Variants in PRAG1 observed in about 807,000 individuals in gnomAD.
PRAG1 encodes inactive tyrosine-protein kinase PRAG1.
PRAG1 carries 110 observed loss-of-function variants against 95.6 expected under a neutral mutation model. That is an observed-to-expected ratio of 1.15 (90% confidence interval 0.99 to 1.35). The LOEUF (loss-of-function observed/expected upper bound fraction) is 1.35, where lower values mean the gene tolerates loss of function less well. PRAG1 is among the 40% of genes most tolerant of loss of function. PRAG1 has a pLI of 0.00. For synonymous variants in PRAG1, 1,052 were observed against 819.4 expected, an observed-to-expected ratio of 1.28 and a Z score of -4.85; for missense variants, 2,554 against 1,864.7, an observed-to-expected ratio of 1.37 and a Z score of -6.81.
At chr8:8,325,260 T>C (rs1029355387) in intron 5 of PRAG1, among the ~76,000 whole-genome samples, 1 of 152,182 alleles carries the variant, frequency 6.6e-6, no homozygotes, top group Non-Finnish European at 1.5e-5. Flanking sequence ...CCAGGCACAT[T>C]TGCAAATTAA....
intron 3 of PRAG1, among the ~76,000 whole-genome samples, chr8:8,353,352 G>A (rs1235447727): frequency 1.3e-5 from 2 of 151,968 alleles, no homozygotes; most frequent in Admixed American, 6.6e-5. Context: ...ATCATATCTA[G>A]TATTGTTTCC....
At chr8:8,325,669 C>A (rs1563226957) in intron 5 of PRAG1, among the ~76,000 whole-genome samples, 1 of 151,930 alleles carries the variant, frequency 6.6e-6, no homozygotes, top group Non-Finnish European at 1.5e-5. Context: ...CCAGCACTTT[C>A]GGAGGCCGAG....
intron 5 of PRAG1, among the ~76,000 whole-genome samples, chr8:8,325,936 A>T (rs924525933): frequency 5.4e-4 from 74 of 138,250 alleles, no homozygotes; most frequent in Middle Eastern, 3.7e-3. Context: ...AATAATAATT[A>T]AAAAAAAAAA....
intron 5 of PRAG1, among the ~76,000 whole-genome samples, chr8:8,321,249 TAATTTTTGG>T (rs1798463626): frequency 6.6e-6 from 1 of 152,188 alleles, no homozygotes; most frequent in Non-Finnish European, 1.5e-5. Context: ...CATGTCCAAC[TAATTTTTGG>T]AATTTTTGTA....
At chr8:8,361,393 G>C (rs573001161) in intron 3 of PRAG1, among the ~76,000 whole-genome samples, 1 of 152,310 alleles carries the variant, frequency 6.6e-6, no homozygotes, top group African/African-American at 2.4e-5. Context: ...CAGCAGTCAG[G>C]TCTGGGATCG....
intron 3 of PRAG1, among the ~76,000 whole-genome samples, chr8:8,351,983 G>T (rs948567123): frequency 1.3e-5 from 2 of 152,118 alleles, no homozygotes; most frequent in South Asian, 4.2e-4. Context: ...AAGATCACCT[G>T]TGCCTGACCA....
intron 3 of PRAG1, chr8:8,374,624 G>A (rs1800318718): frequency 1.0e-6 from 1 of 978,598 alleles, no homozygotes; most frequent in Admixed American, 6.1e-5. Flanking sequence ...GGCCCATAGT[G>A]AGTGCCATAT....
chr8:8,368,720 A>C (rs1447297121), intron 3 of PRAG1, among the ~76,000 whole-genome samples: 3 of 152,188 alleles, frequency 2.0e-5, no homozygotes, highest in Admixed American at 2.0e-4. Flanking sequence ...TCAGGGACAG[A>C]GGGGGACTGA....
intron 3 of PRAG1, among the ~76,000 whole-genome samples, chr8:8,361,806 T>A (rs1442740131): frequency 6.6e-6 from 1 of 152,262 alleles, no homozygotes; most frequent in East Asian, 1.9e-4. Flanking sequence ...TTAGTTCAAA[T>A]GAAGCAACAA....
chr8:8,371,459 C>T (rs571322166), intron 3 of PRAG1, among the ~76,000 whole-genome samples: 1 of 151,936 alleles, frequency 6.6e-6, no homozygotes, highest in Non-Finnish European at 1.5e-5. Flanking sequence ...AGGGGTTTCA[C>T]CGTGTTAGCC....
At position 8,351,244 on chromosome 8, in the gene PRAG1, G is replaced by A. The variant is rs191833305; in HGVS notation, c.2163-11609C>T. 3.3e-5 allele frequency among the ~76,000 whole-genome samples: 5 copies of A among 152,044 alleles called. No individual in the cohort carries two copies. The East Asian group carries it at 5.8e-4, about 18-fold the overall frequency. On this transcript the variant is annotated intron_variant, in intron 3 of 5. Transcript: ENST00000615670. ...GCAAGAGTAGGAGGAAGAGAGTGAG[G>A]GAGGTGCCACACACTCTTTTGAACA...
At chr8:8,358,847 A>G (rs1799762414) in intron 3 of PRAG1, among the ~76,000 whole-genome samples, 1 of 152,174 alleles carries the variant, frequency 6.6e-6, no homozygotes, top group African/African-American at 2.4e-5. Flanking sequence ...ACAATCTAAA[A>G]CTTTCCTAAA....
intron 4 of PRAG1, among the ~76,000 whole-genome samples, chr8:8,336,693 T>TC (rs2117138042): frequency 6.7e-6 from 1 of 149,800 alleles, no homozygotes; most frequent in South Asian, 2.1e-4. Flanking sequence ...AACTAAAACC[T>TC]CCCCCCACCC....
intron 3 of PRAG1, among the ~76,000 whole-genome samples, chr8:8,343,418 T>C (rs1039827589): frequency 9.8e-5 from 15 of 152,310 alleles, no homozygotes; most frequent in Admixed American, 3.9e-4. Context: ...TAGTAATGAA[T>C]GAATGGCTAA....
chr8:8,333,940 C>T (rs181095985), intron 4 of PRAG1, among the ~76,000 whole-genome samples: 1 of 152,328 alleles, frequency 6.6e-6, no homozygotes, highest in East Asian at 1.9e-4. Context: ...TGCACGGGCA[C>T]CTTGCCAATA....
Position 8,319,178 on chromosome 8 carries a change from G to T in PRAG1, c.3197C>A (p.Pro1066His). ...ASVPSSMLSS[P>H]DAPKDPVPAL... ...AGGCACAGGGTCCTTGGGCGCGTCG[G>T]GGGAGCTGAGCATGCTGGACGGCAC... The change falls in exon 6 of 6, where the codon CCC (proline) becomes CAC (histidine). Residue 1066 changes from proline to histidine, a missense_variant. By Grantham distance (77) the Pro-to-His change is moderately conservative. Coordinates refer to ENST00000615670, the MANE Select transcript of PRAG1 (RefSeq NM_001080826.3). 2.1e-5 allele frequency: 34 copies of T among 1,603,570 alleles called. No individual in the cohort carries two copies. The highest frequency in any genetic ancestry group is 2.9e-5 in the Non-Finnish European group (34 of 1,174,024).
intron 5 of PRAG1, among the ~76,000 whole-genome samples, chr8:8,321,594 G>C (rs571723282): frequency 3.9e-5 from 6 of 152,314 alleles, no homozygotes; most frequent in South Asian, 2.1e-4. Context: ...CCAACTGTGA[G>C]GGTTCCATGC....
At chr8:8,385,757 G>A (rs981662388) in intron 1 of PRAG1, among the ~76,000 whole-genome samples, 1 of 152,052 alleles carries the variant, frequency 6.6e-6, no homozygotes, top group Non-Finnish European at 1.5e-5. Flanking sequence ...GTGTGTCCCC[G>A]GATACCAGCA....
chr8:8,363,188 T>C (rs1585260284), intron 3 of PRAG1, among the ~76,000 whole-genome samples: 1 of 151,516 alleles, frequency 6.6e-6, no homozygotes, highest in South Asian at 2.1e-4. Flanking sequence ...AGCTAGTCTT[T>C]AAGAGAAACT....
Sources: gnomAD v4.1 joint callset for allele counts (sites outside exome capture counted in the v4.1 genomes callset) on GRCh38, gnomAD v4.1.1 for gene constraint, MANE v1.5 for transcripts, NCBI Gene and HGNC (gene_info 2026-07-23, HGNC 2026-07-21) for gene names.